MTFMT: variants seen among roughly 807,000 people sequenced by gnomAD.
MTFMT encodes mitochondrial methionyl-tRNA formyltransferase, also known as methionyl-tRNA formyltransferase, mitochondrial.
In MTFMT, 47 loss-of-function variants were observed where a neutral mutation model predicts 51.8. That is an observed-to-expected ratio of 0.91 (90% CI 0.72 to 1.16). The LOEUF is 1.16. MTFMT is among the 50% of genes most tolerant of loss of function. The probability of loss-of-function intolerance (pLI) is 0.00; values close to 1 mark genes in which losing one functional copy is unlikely to be tolerated. For missense variants in MTFMT, 512 were observed against 482.3 expected (o/e 1.06, Z -0.58); for synonymous variants, 196 against 176.7 (o/e 1.11, Z -0.87).
chr15:65,011,447 T>C (rs181760950), intron 6 of MTFMT, among the ~76,000 whole-genome samples: 2 of 151,766 alleles, frequency 1.3e-5, no homozygotes. Flanking sequence ...TTATCAGTTA[T>C]ATGATTTGCA....
At chr15:65,016,569 G>T (rs375396165) in intron 5 of MTFMT, 42 bp from the exon 6 acceptor site, 1 of 1,348,416 alleles carries the variant, frequency 7.4e-7, no homozygotes, top group East Asian at 2.3e-5. Context: ...ATCAGGGTCA[G>T]TGTCCATGAA....
chr15:65,026,548 C>A, intron 2 of MTFMT: 1 of 322,552 alleles, frequency 3.1e-6, no homozygotes, highest in Non-Finnish European at 5.8e-6. Context: ...AATTTATAAG[C>A]CTGTCTTTAG....
chr15:65,006,792 A>G (rs2086223396), intron 6 of MTFMT, among the ~76,000 whole-genome samples: 1 of 152,194 alleles, frequency 6.6e-6, no homozygotes, highest in African/African-American at 2.4e-5. Flanking sequence ...TATGTTAAAA[A>G]ATTTTAGAAA....
chr15:65,013,397 C>G (rs551648045), intron 6 of MTFMT, among the ~76,000 whole-genome samples: 22 of 151,942 alleles, frequency 1.4e-4, no homozygotes, highest in Non-Finnish European at 2.8e-4. Flanking sequence ...CTACAAGTGT[C>G]CACCACTGCA....
intron 5 of MTFMT, among the ~76,000 whole-genome samples, chr15:65,018,074 T>C (rs2086339431): frequency 6.6e-6 from 1 of 152,162 alleles, no homozygotes; most frequent in South Asian, 2.1e-4. Context: ...AGTGTACCTT[T>C]TTAAGCTGTT....
At chr15:65,013,739 TTTGA>T (rs575870304) in intron 6 of MTFMT, among the ~76,000 whole-genome samples, 134 of 151,334 alleles carry the variant, frequency 8.9e-4, no homozygotes, top group African/African-American at 3.2e-3. Flanking sequence ...AGTTCAGGAG[TTTGA>T]GATCAGCCTG....
At position 65,027,016 on chromosome 15, in the gene MTFMT, G is replaced by A. The variant is rs758840011; in HGVS notation, c.234C>T (p.Ile78=). The A allele has an allele frequency of 5.6e-6, 9 of 1,613,676 alleles. No individual in the cohort carries two copies. The highest frequency in any genetic ancestry group is 5.0e-5 in the Admixed American group (3 of 59,968). ...AARENKEEEL[I]DKLEVVTMPS... ...GCATTGTGACCACCTCCAGTTTGTC[G>A]ATTAACTCTTCTTCTTTGTTTTCCC... The change falls in exon 2 of 9, where the codon ATC becomes ATT. Residue 78 remains isoleucine, a synonymous_variant. Coordinates refer to ENST00000220058, the MANE Select transcript of MTFMT (RefSeq NM_139242.4).
At chr15:65,011,485 CTTTTTTTTTTTTTTTTT>C (rs536213292) in intron 6 of MTFMT, among the ~76,000 whole-genome samples, 17 of 74,104 alleles carry the variant, frequency 2.3e-4, no homozygotes, top group African/African-American at 1.0e-3. Context: ...TGTAAGCTGT[CTTTTTTTTTTTTTTTTT>C]TTTTTTTTTT....
At chr15:65,008,500 G>C (rs1361143328) in intron 6 of MTFMT, among the ~76,000 whole-genome samples, 1 of 152,198 alleles carries the variant, frequency 6.6e-6, no homozygotes, top group Non-Finnish European at 1.5e-5. Context: ...AAGAGAGTGA[G>C]GCTCAGAGAA....
At position 65,029,617 on chromosome 15, in the gene MTFMT, C is replaced by G; in HGVS notation, c.-4G>C. 1 of 1,389,028 alleles carries G rather than the reference C, an allele frequency of 7.2e-7. No homozygotes were observed. Among genetic ancestry groups the G allele is most frequent in the Non-Finnish European group, 9.4e-7 (1 of 1,068,126 alleles). The allele number at this position is 1,389,028 out of a possible 1,614,324, so 86.0% of individuals were successfully genotyped here. On this transcript the variant is annotated 5_prime_UTR_variant, in exon 1 of 9. Coordinates refer to ENST00000220058, the MANE Select transcript of MTFMT (RefSeq NM_139242.4). Reference sequence around the variant, plus strand: ...AGCGCCGCACCAACACCCTCATCGCCTCGGCCGCCGGCGGCCGGCCCTGCG... The same window carrying G: ...AGCGCCGCACCAACACCCTCATCGCGTCGGCCGCCGGCGGCCGGCCCTGCG...
rs1272480938 is a variant in MTFMT at position 65,001,590 on chromosome 15, A to G, written c.*1472T>C. On this transcript the variant is annotated 3_prime_UTR_variant, in exon 9 of 9. Coordinates refer to ENST00000220058, the MANE Select transcript of MTFMT (RefSeq NM_139242.4). ...CTTCAAGAAAACCTGGGCCGGGTGCAGTGGTTCATGCTTGTAATCCCAGCA... is the reference window on the plus strand; with the variant it reads ...CTTCAAGAAAACCTGGGCCGGGTGCGGTGGTTCATGCTTGTAATCCCAGCA... 3.9e-5 allele frequency: 6 copies of G among 152,318 alleles called. No homozygotes were observed. Among genetic ancestry groups the G allele is most frequent in the African/African-American group, 1.4e-4 (6 of 41,448 alleles). 9.4% of individuals were successfully genotyped at this position (152,318 alleles called of 1,614,324 possible). A position where few individuals can be genotyped will look rare whatever the true frequency, so the allele number is the denominator to read the frequency against.
At chr15:65,026,504 C>G (rs1452396209) in intron 2 of MTFMT, 1 of 286,494 alleles carries the variant, frequency 3.5e-6, no homozygotes, top group East Asian at 7.7e-5. Context: ...ACTCTGTTAC[C>G]AGAGAAAGGG....
At chr15:65,025,866 A>G (rs1038585096) in intron 2 of MTFMT, among the ~76,000 whole-genome samples, 1 of 152,184 alleles carries the variant, frequency 6.6e-6, no homozygotes, top group African/African-American at 2.4e-5. Flanking sequence ...AAGGTGGATG[A>G]AAGCCTATAG....
chr15:65,025,896 T>C (rs2086419236), intron 2 of MTFMT, among the ~76,000 whole-genome samples: 1 of 152,280 alleles, frequency 6.6e-6, no homozygotes, highest in Non-Finnish European at 1.5e-5. Flanking sequence ...AGGAGTTAAA[T>C]ACATTTTGAC....
chr15:65,027,596 T>C (rs72729007), intron 1 of MTFMT, among the ~76,000 whole-genome samples: 4,163 of 152,324 alleles, frequency 0.027, 207 homozygotes, highest in Admixed American at 0.13. Flanking sequence ...AGGGATTTCC[T>C]GTGCATACAG....
At chr15:65,025,229 C>CT (rs1247243329) in intron 2 of MTFMT, among the ~76,000 whole-genome samples, 2 of 90,820 alleles carry the variant, frequency 2.2e-5, no homozygotes, top group Admixed American at 1.4e-4. Flanking sequence ...ATCCCTGTCT[C>CT]TAAAAAAAAA....
rs779141070 is a variant in MTFMT at position 65,016,513 on chromosome 15, C to A, written c.736G>T (p.Ala246Ser). 9 of 1,611,274 alleles carry A rather than the reference C, an allele frequency of 5.6e-6. No homozygotes were observed. The Admixed American group carries it at 1.3e-4, about 24-fold the overall frequency. The change falls in exon 6 of 9, where the codon GCT becomes TCT. Residue 246 changes from alanine (A) to serine (S), a missense_variant. Coordinates refer to ENST00000220058, the MANE Select transcript of MTFMT (RefSeq NM_139242.4). ...EGATYAPKISAGTSCIKWEEQ... is the reference protein window; with the variant it reads ...EGATYAPKISSGTSCIKWEEQ... The stretch of plus-strand genomic sequence containing the variant: ...TCCCATTTTATACAACTGGTACCAG[C>A]AGAAATCTTAGGGGCTACAAGATAA...
intron 6 of MTFMT, among the ~76,000 whole-genome samples, chr15:65,011,485 CTTTTTTTTT>C (rs536213292): frequency 0.36 from 26,886 of 73,750 alleles, 2,840 homozygotes; most frequent in South Asian, 0.49. Context: ...TGTAAGCTGT[CTTTTTTTTT>C]TTTTTTTTTT....
chr15:65,003,917 C>T (rs1254980373), intron 8 of MTFMT, among the ~76,000 whole-genome samples: 1 of 149,668 alleles, frequency 6.7e-6, no homozygotes, highest in East Asian at 1.9e-4. Context: ...CATATGCATC[C>T]AACACTGTTC....
Sources: allele counts gnomAD v4.1 joint callset (sites outside exome capture counted in the v4.1 genomes callset), GRCh38; gene constraint gnomAD v4.1.1; transcripts MANE v1.5; gene names NCBI Gene and HGNC (gene_info 2026-07-23, HGNC 2026-07-21).